Variants in ZDHHC15 observed in about 807,000 individuals in gnomAD.
ZDHHC15 encodes palmitoyltransferase ZDHHC15.
A neutral mutation model predicts 31.7 loss-of-function variants in ZDHHC15; 19 were observed. That is an observed-to-expected ratio of 0.60 (90% CI 0.42 to 0.88). The LOEUF is 0.88. ZDHHC15 is among the 40% of genes least tolerant of loss of function. ZDHHC15 has a pLI of 0.00. For synonymous variants in ZDHHC15, 103 were observed against 90.0 expected, an observed-to-expected ratio of 1.14 and a Z score of -0.82; for missense variants, 209 against 251.2, an observed-to-expected ratio of 0.83 and a Z score of 1.14.
chrX:75,387,224 A>T, intron 10 of ZDHHC15, among the ~76,000 whole-genome samples: 1 of 112,468 alleles, frequency 8.9e-6, no homozygotes, highest in East Asian at 2.8e-4. Flanking sequence ...CAGACAGAGA[A>T]GACTGGAATA....
At chrX:75,488,770 C>A (rs1192273660) in intron 2 of ZDHHC15, among the ~76,000 whole-genome samples, 3 of 111,752 alleles carry the variant, frequency 2.7e-5, no homozygotes, top group Non-Finnish European at 3.8e-5. Context: ...GTGCAGTGCA[C>A]CAAGCGCTAG....
chrX:75,464,105 A>G (rs1473072713), intron 3 of ZDHHC15, among the ~76,000 whole-genome samples: 2 of 112,124 alleles, frequency 1.8e-5, no homozygotes, highest in Non-Finnish European at 3.8e-5. Flanking sequence ...CTATGCAGCC[A>G]TATAAAAGGA....
At chrX:75,468,273 G>A (rs757785113) in intron 3 of ZDHHC15, among the ~76,000 whole-genome samples, 1 of 110,814 alleles carries the variant, frequency 9.0e-6, no homozygotes, top group South Asian at 3.9e-4. Flanking sequence ...TCGAACTCCC[G>A]ACCTCAGGTG....
chrX:75,490,734 T>C (rs2148008478), intron 2 of ZDHHC15, among the ~76,000 whole-genome samples: 1 of 111,600 alleles, frequency 9.0e-6, no homozygotes, highest in South Asian at 3.8e-4. Flanking sequence ...TTCCTAGGTA[T>C]TTTATTCTCT....
At chrX:75,418,078 C>T (rs2083568999) in intron 9 of ZDHHC15, among the ~76,000 whole-genome samples, 1 of 111,361 alleles carries the variant, frequency 9.0e-6, no homozygotes, top group African/African-American at 3.3e-5. Context: ...TTTACATCTC[C>T]CTTTGATGTG....
chrX:75,440,477 C>T (rs1249847610), intron 4 of ZDHHC15, among the ~76,000 whole-genome samples: 2 of 111,853 alleles, frequency 1.8e-5, no homozygotes, highest in Non-Finnish European at 3.8e-5. Context: ...GACAGGGTTT[C>T]ACCGTGTTAG....
chrX:75,399,097 G>A (rs764068613), intron 10 of ZDHHC15, among the ~76,000 whole-genome samples: 2 of 111,587 alleles, frequency 1.8e-5, no homozygotes, highest in Admixed American at 1.9e-4. Flanking sequence ...AGGATCTGGA[G>A]TAGGCCCCAA....
intron 3 of ZDHHC15, among the ~76,000 whole-genome samples, chrX:75,463,449 C>G (rs2084351778): frequency 9.0e-6 from 1 of 110,971 alleles, no homozygotes; most frequent in Non-Finnish European, 1.9e-5. Flanking sequence ...AGAGATACAA[C>G]AAATTCTGCA....
At chrX:75,493,360 A>C (rs2084932518) in intron 2 of ZDHHC15, among the ~76,000 whole-genome samples, 1 of 111,938 alleles carries the variant, frequency 8.9e-6, no homozygotes, top group South Asian at 3.8e-4. Context: ...AGGTACAAGG[A>C]GGAGCTGGTA....
chrX:75,416,378 G>A (rs2083548444), intron 10 of ZDHHC15, among the ~76,000 whole-genome samples: 1 of 111,800 alleles, frequency 8.9e-6, no homozygotes, highest in Non-Finnish European at 1.9e-5. Context: ...TGCATTATTG[G>A]GAACAGTAGC....
rs1362793692 is a variant in ZDHHC15 at position 75,393,519 on chromosome X, A to C, written c.968-14321T>G. ...AACTCCTTGCCTCTCATGAGCAATG[A>C]ATCAGGAGTGTCGAGTGTATTTATT... is the stretch of plus-strand genomic sequence containing the variant. On this transcript the variant is annotated intron_variant, in intron 10 of 11. Transcript: ENST00000373367. 3.6e-5 allele frequency among the ~76,000 whole-genome samples: 4 copies of C among 111,521 alleles called. No individual in the cohort carries two copies. The East Asian group carries it at 1.1e-3, about 31-fold the overall frequency.
At chrX:75,496,170 T>C (rs1306686770) in intron 2 of ZDHHC15, among the ~76,000 whole-genome samples, 1 of 110,744 alleles carries the variant, frequency 9.0e-6, no homozygotes, top group East Asian at 2.8e-4. Flanking sequence ...AGATATTCAA[T>C]GCCAATGGAA....
intron 3 of ZDHHC15, among the ~76,000 whole-genome samples, chrX:75,472,096 T>C (rs977094072): frequency 8.9e-6 from 1 of 111,874 alleles, no homozygotes; most frequent in Admixed American, 9.5e-5. Flanking sequence ...TACGTGATCA[T>C]GCTCGAGCAG....
At chrX:75,453,022 A>G (rs2147915672) in intron 3 of ZDHHC15, among the ~76,000 whole-genome samples, 1 of 112,036 alleles carries the variant, frequency 8.9e-6, no homozygotes, top group South Asian at 3.7e-4. Context: ...AAGTCAAGAA[A>G]TAACTAAGAT....
chrX:75,438,615 A>G (rs990464042), intron 4 of ZDHHC15, among the ~76,000 whole-genome samples: 3 of 111,661 alleles, frequency 2.7e-5, no homozygotes, highest in East Asian at 5.6e-4. Flanking sequence ...TCATTCTGCC[A>G]TTCTGTATCT....
intron 1 of ZDHHC15, among the ~76,000 whole-genome samples, chrX:75,509,208 G>A (rs1203889209): frequency 8.9e-6 from 1 of 111,757 alleles, no homozygotes; most frequent in African/African-American, 3.2e-5. Flanking sequence ...CACAGCAAAA[G>A]AAACTACCAT....
At chrX:75,378,656 TAAC>T (rs1020656592) in intron 11 of ZDHHC15, among the ~76,000 whole-genome samples, 3 of 111,858 alleles carry the variant, frequency 2.7e-5, no homozygotes, top group Non-Finnish European at 5.6e-5. Flanking sequence ...TGCCACTACT[TAAC>T]AAACTCATAG....
At chrX:75,384,855 A>T in intron 10 of ZDHHC15, 1 of 539,817 alleles carries the variant, frequency 1.9e-6, no homozygotes, top group Non-Finnish European at 3.3e-6. Flanking sequence ...AATAAAAGAC[A>T]TCTGGGCTGT....
chrX:75,397,548 A>T (rs1310231683), intron 10 of ZDHHC15, among the ~76,000 whole-genome samples: 1 of 109,677 alleles, frequency 9.1e-6, no homozygotes, highest in Non-Finnish European at 1.9e-5. Context: ...AAAATAAAAA[A>T]AAACTTGTTT....
Sources: gnomAD v4.1 joint callset for allele counts (sites outside exome capture counted in the v4.1 genomes callset) on GRCh38, gnomAD v4.1.1 for gene constraint, MANE v1.5 for transcripts, NCBI Gene and HGNC (gene_info 2026-07-23, HGNC 2026-07-21) for gene names.